The following GRIK3 variants were observed in gnomAD, a reference collection of about 807,000 sequenced individuals.
GRIK3 encodes glutamate ionotropic receptor kainate type subunit 3.
GRIK3 carries 29 observed loss-of-function variants against 102.5 expected under a neutral mutation model. That is an observed-to-expected ratio of 0.28 (90% CI 0.21 to 0.39). The LOEUF is 0.39. Among genes scored for constraint, GRIK3 ranks in the 10% least tolerant of loss-of-function variants. The pLI, the probability that GRIK3 is intolerant of heterozygous loss-of-function variation, is 1.00. For missense variants in GRIK3, 908 were observed against 1,252.4 expected, an observed-to-expected ratio of 0.73 and a Z score of 4.15; for synonymous variants, 511 against 504.9, an observed-to-expected ratio of 1.01 and a Z score of -0.16.
chr1:37,012,994 A>G (rs1329594616), intron 1 of GRIK3, among the ~76,000 whole-genome samples: 1 of 152,246 alleles, frequency 6.6e-6, no homozygotes, highest in Non-Finnish European at 1.5e-5. Context: ...CACACTGCTG[A>G]TAAACACATA....
intron 1 of GRIK3, among the ~76,000 whole-genome samples, chr1:36,902,355 AC>A (rs1442848723): frequency 1.3e-5 from 2 of 152,238 alleles, no homozygotes; most frequent in African/African-American, 4.8e-5. Context: ...AGTAATCAAG[AC>A]AGCATGATGT....
intron 1 of GRIK3, among the ~76,000 whole-genome samples, chr1:36,978,450 T>C (rs1039391982): frequency 6.6e-6 from 1 of 152,102 alleles, no homozygotes; most frequent in Non-Finnish European, 1.5e-5. Context: ...AGCAGGGAGG[T>C]GTATCAGTTA....
rs538028 is a variant in GRIK3 at position 36,916,955 on chromosome 1, T to C, written c.116-25859A>G. On this transcript the variant is annotated intron_variant, in intron 1 of 15. Coordinates refer to ENST00000373091, the MANE Select transcript of GRIK3 (RefSeq NM_000831.4). ...CAGAATGGTAGATCCACTGACAGCC[T>C]GCACTGTGCATCTGGAAAAACCACA... is the stretch of plus-strand genomic sequence containing the variant. Among the ~76,000 whole-genome samples, 47 of 152,312 alleles carry C rather than the reference T, an allele frequency of 3.1e-4. 2 individuals are homozygous for C. Among genetic ancestry groups the C allele is most frequent in the African/African-American group, 1.1e-3 (46 of 41,560 alleles).
rs1170828280 is a variant in GRIK3 at position 36,958,859 on chromosome 1, C to A, written c.116-67763G>T. 4.4e-4 allele frequency among the ~76,000 whole-genome samples: 52 copies of A among 117,888 alleles called. 6 individuals carry two copies. The highest frequency in any genetic ancestry group is 8.0e-4 in the Non-Finnish European group (44 of 54,820). The allele number at this position is 117,888 out of a possible 152,430, so 77.3% of individuals were successfully genotyped here. A position where few individuals can be genotyped will look rare whatever the true frequency, so the allele number is the denominator to read the frequency against. ...GCCTTGTGACTCTGTGCCCCATGAG[C>A]CTGTGTGTCCTGTGAGCCTGTGTGC... On this transcript the variant is annotated intron_variant, in intron 1 of 15. Coordinates refer to ENST00000373091, the MANE Select transcript of GRIK3 (RefSeq NM_000831.4).
intron 1 of GRIK3, among the ~76,000 whole-genome samples, chr1:36,965,843 A>C (rs1312620414): frequency 4.6e-5 from 7 of 152,218 alleles, no homozygotes; most frequent in Non-Finnish European, 4.4e-5. Flanking sequence ...CACATGATTT[A>C]CAGCCCAGCT....
intron 11 of GRIK3, among the ~76,000 whole-genome samples, chr1:36,821,391 G>A (rs546531359): frequency 6.6e-6 from 1 of 152,346 alleles, no homozygotes; most frequent in African/African-American, 2.4e-5. Flanking sequence ...TGGGTGTCCA[G>A]AGCCCCCGCT....
chr1:36,865,147 T>C (rs535729574), intron 5 of GRIK3, among the ~76,000 whole-genome samples: 117 of 152,354 alleles, frequency 7.7e-4, no homozygotes, highest in African/African-American at 2.7e-3. Flanking sequence ...TGGCATTAAT[T>C]GTGATTGCTT....
chr1:37,004,925 C>T (rs1293318910), intron 1 of GRIK3, among the ~76,000 whole-genome samples: 1 of 152,238 alleles, frequency 6.6e-6, no homozygotes, highest in Non-Finnish European at 1.5e-5. Context: ...GAAGTCAGCA[C>T]CATCAACGGC....
At chr1:36,832,245 T>A (rs761983895) in intron 10 of GRIK3, among the ~76,000 whole-genome samples, 1 of 152,206 alleles carries the variant, frequency 6.6e-6, no homozygotes, top group Admixed American at 6.5e-5. Flanking sequence ...GTGTGCCCCA[T>A]GGCTGGCACA....
intron 1 of GRIK3, among the ~76,000 whole-genome samples, chr1:36,961,181 C>G (rs576524112): frequency 6.6e-6 from 1 of 152,338 alleles, no homozygotes; most frequent in South Asian, 2.1e-4. Context: ...ACACACGTGC[C>G]CACCTGTGCA....
chr1:36,847,039 G>A (rs1253789203), intron 9 of GRIK3, among the ~76,000 whole-genome samples: 2 of 152,242 alleles, frequency 1.3e-5, no homozygotes, highest in African/African-American at 4.8e-5. Flanking sequence ...TCACCCTCCG[G>A]TGATCTCTGG....
At chr1:37,013,386 T>G (rs1642617626) in intron 1 of GRIK3, among the ~76,000 whole-genome samples, 1 of 152,248 alleles carries the variant, frequency 6.6e-6, no homozygotes, top group Non-Finnish European at 1.5e-5. Flanking sequence ...CCCGGCATCT[T>G]GTCCTCCAAA....
chr1:36,969,165 G>A (rs997839942), intron 1 of GRIK3, among the ~76,000 whole-genome samples: 4 of 152,180 alleles, frequency 2.6e-5, no homozygotes, highest in Non-Finnish European at 5.9e-5. Context: ...TGCCAAGAGT[G>A]TCAACAGGGG....
intron 1 of GRIK3, among the ~76,000 whole-genome samples, chr1:36,992,191 G>C (rs1246968446): frequency 5.3e-5 from 8 of 152,228 alleles, no homozygotes; most frequent in Non-Finnish European, 5.9e-5. Context: ...GTTTGGGAAA[G>C]CAATGGAGGT....
chr1:36,841,996 G>T, intron 9 of GRIK3, 57 bp from the exon 10 acceptor site: 2 of 1,399,736 alleles, frequency 1.4e-6, no homozygotes, highest in Non-Finnish European at 2.0e-6. Flanking sequence ...GCGGAGGCAG[G>T]CTTGCACTGG....
rs527996554 is a variant in GRIK3 at position 36,908,545 on chromosome 1, C to T, written c.116-17449G>A. On this transcript the variant is annotated intron_variant, in intron 1 of 15. Coordinates refer to ENST00000373091, the MANE Select transcript of GRIK3 (RefSeq NM_000831.4). ...TTCCCTGCCCCGCTGGAGGCTGCCC[C>T]CCTTTCCACTGGCTCCTCTCCATTC... Among the ~76,000 whole-genome samples, 437 of 152,290 alleles carry T rather than the reference C, an allele frequency of 2.9e-3. 2 individuals carry two copies. The highest frequency in any genetic ancestry group is 0.017 in the Middle Eastern group (5 of 294).
At chr1:36,810,489 C>T (rs924862389) in intron 13 of GRIK3, among the ~76,000 whole-genome samples, 3 of 152,188 alleles carry the variant, frequency 2.0e-5, no homozygotes, top group Non-Finnish European at 4.4e-5. Flanking sequence ...CAATTCCAGC[C>T]TCCTCAAAGA....
intron 2 of GRIK3, among the ~76,000 whole-genome samples, chr1:36,881,686 G>T (rs1479345607): frequency 6.6e-6 from 1 of 152,066 alleles, no homozygotes; most frequent in Non-Finnish European, 1.5e-5. Flanking sequence ...TGTCTATTCT[G>T]CACTCAGCAG....
At chr1:36,952,299 C>A (rs1469293561) in intron 1 of GRIK3, among the ~76,000 whole-genome samples, 1 of 152,184 alleles carries the variant, frequency 6.6e-6, no homozygotes, top group Non-Finnish European at 1.5e-5. Context: ...CAGTCCCCTC[C>A]CCTCTGGACT....
Sources: gnomAD v4.1 joint callset for allele counts (sites outside exome capture counted in the v4.1 genomes callset) on GRCh38, gnomAD v4.1.1 for gene constraint, MANE v1.5 for transcripts, NCBI Gene and HGNC (gene_info 2026-07-23, HGNC 2026-07-21) for gene names.